Variants in CCDC178 observed in about 807,000 individuals in gnomAD.
CCDC178 encodes coiled-coil domain-containing protein 178.
In CCDC178, 126 loss-of-function variants were observed where a neutral mutation model predicts 117.4. The ratio of observed to expected loss-of-function variants is 1.07; its 90% CI spans 0.93 to 1.24. The LOEUF is 1.24. Among genes scored for constraint, CCDC178 ranks in the 50% most tolerant of loss-of-function variants. The pLI is 0.00. For missense variants in CCDC178, 1,030 were observed against 986.9 expected (o/e 1.04, Z -0.59); for synonymous variants, 283 against 313.4 (o/e 0.90, Z 1.02).
chr18:33,322,155 G>A (rs987685273), intron 11 of CCDC178, among the ~76,000 whole-genome samples: 4 of 151,772 alleles, frequency 2.6e-5, no homozygotes, highest in Non-Finnish European at 5.9e-5. Flanking sequence ...TAATTATGTA[G>A]ACAGATGTAT....
chr18:33,360,769 C>G (rs1026557600), intron 6 of CCDC178, among the ~76,000 whole-genome samples: 6 of 151,384 alleles, frequency 4.0e-5, no homozygotes, highest in African/African-American at 9.7e-5. Context: ...GCATAAAATG[C>G]CTTGGAATAA....
intron 2 of CCDC178, among the ~76,000 whole-genome samples, chr18:33,430,644 A>G (rs2064199965): frequency 6.6e-6 from 1 of 152,174 alleles, no homozygotes; most frequent in Non-Finnish European, 1.5e-5. Flanking sequence ...CCATGAAGGA[A>G]AGCTGCCTTA....
At chr18:33,150,533 A>G (rs1251269865) in intron 20 of CCDC178, among the ~76,000 whole-genome samples, 4 of 152,124 alleles carry the variant, frequency 2.6e-5, no homozygotes, top group African/African-American at 9.7e-5. Flanking sequence ...AATCAGCAAG[A>G]AAAGAAAACT....
At chr18:33,405,705 T>A (rs1222942437) in intron 3 of CCDC178, among the ~76,000 whole-genome samples, 3 of 151,956 alleles carry the variant, frequency 2.0e-5, no homozygotes, top group Admixed American at 2.0e-4. Flanking sequence ...CACTAGAAAG[T>A]AGATGTAGTA....
At chr18:33,229,499 C>T (rs2059346344) in intron 15 of CCDC178, among the ~76,000 whole-genome samples, 1 of 152,154 alleles carries the variant, frequency 6.6e-6, no homozygotes, top group Non-Finnish European at 1.5e-5. Flanking sequence ...CTTAACTTCA[C>T]AATGAAATCT....
At chr18:33,017,627 G>A (rs1456801873) in intron 21 of CCDC178, among the ~76,000 whole-genome samples, 1 of 151,806 alleles carries the variant, frequency 6.6e-6, no homozygotes, top group African/African-American at 2.4e-5. Flanking sequence ...GGATTCAGAA[G>A]AACCAAAACG....
intron 10 of CCDC178, chr18:33,328,231 T>G (rs1381090117): frequency 2.4e-5 from 6 of 250,964 alleles, no homozygotes; most frequent in Non-Finnish European, 3.8e-5. Context: ...ACCTTCTGGG[T>G]AGCTGGGACT....
At chr18:33,173,005 C>T (rs1407725836) in intron 20 of CCDC178, among the ~76,000 whole-genome samples, 1 of 152,042 alleles carries the variant, frequency 6.6e-6, no homozygotes, top group Non-Finnish European at 1.5e-5. Flanking sequence ...TGCTTGATTG[C>T]ACTGTTTAAA....
chr18:33,061,789 G>GT (rs932984282), intron 21 of CCDC178, among the ~76,000 whole-genome samples: 65 of 151,644 alleles, frequency 4.3e-4, no homozygotes, highest in Middle Eastern at 3.2e-3. Context: ...CTGCTGATGT[G>GT]TTTTTTTTCA....
intron 21 of CCDC178, among the ~76,000 whole-genome samples, chr18:33,061,664 A>G (rs272944): frequency 0.14 from 21,704 of 152,236 alleles, 2,404 homozygotes; most frequent in African/African-American, 0.31. Context: ...GCTCAGCTAC[A>G]TCTTCACACA....
chr18:33,041,758 C>T (rs2056553870), intron 21 of CCDC178, among the ~76,000 whole-genome samples: 1 of 151,544 alleles, frequency 6.6e-6, no homozygotes, highest in Non-Finnish European at 1.5e-5. Flanking sequence ...CCAACAATAT[C>T]AGAGTTGAAG....
chr18:33,388,933 A>G lies in CCDC178; in HGVS notation c.208+607T>C, dbSNP rs139172946. On this transcript the variant is annotated intron_variant, in intron 5 of 22. Transcript: ENST00000383096. The stretch of plus-strand genomic sequence containing the variant: ...TGTTCTCACTTATAAGTGGGAGCTG[A>G]ACAATGAGAGCACGTGGACATAGGG... Among the ~76,000 whole-genome samples, 1,457 of 152,196 alleles carry G rather than the reference A, an allele frequency of 9.6e-3. 17 individuals are homozygous for G. The highest frequency in any genetic ancestry group is 0.033 in the African/African-American group (1,378 of 41,520).
intron 21 of CCDC178, among the ~76,000 whole-genome samples, chr18:33,063,799 C>G (rs1567965265): frequency 6.6e-6 from 1 of 152,060 alleles, no homozygotes. Context: ...GCATGCCTGG[C>G]CCACCACCAC....
chr18:32,996,122 A>G (rs2055502440), intron 21 of CCDC178, among the ~76,000 whole-genome samples: 1 of 151,946 alleles, frequency 6.6e-6, no homozygotes, highest in Non-Finnish European at 1.5e-5. Context: ...TAAAAATATA[A>G]TAGAAAAAAA....
intron 10 of CCDC178, among the ~76,000 whole-genome samples, chr18:33,327,316 T>C (rs1156528171): frequency 2.0e-5 from 3 of 152,220 alleles, no homozygotes; most frequent in Non-Finnish European, 4.4e-5. Context: ...TTTCATTCCA[T>C]TGATATATTG....
chr18:33,417,784 C>T (rs764824549), intron 2 of CCDC178, among the ~76,000 whole-genome samples: 1 of 152,076 alleles, frequency 6.6e-6, no homozygotes, highest in Non-Finnish European at 1.5e-5. Flanking sequence ...CTTCTCAAGA[C>T]TGAACCAGGA....
chr18:33,133,451 A>G (rs1356096678), intron 20 of CCDC178, among the ~76,000 whole-genome samples: 3 of 151,926 alleles, frequency 2.0e-5, no homozygotes, highest in Non-Finnish European at 4.4e-5. Context: ...TTTTCAAACT[A>G]CTGTAAACAT....
chr18:33,369,765 A>T (rs2063270999), intron 6 of CCDC178, among the ~76,000 whole-genome samples: 1 of 152,002 alleles, frequency 6.6e-6, no homozygotes, highest in Non-Finnish European at 1.5e-5. Context: ...TTAATTTACT[A>T]GTGAAGTTGG....
intron 14 of CCDC178, among the ~76,000 whole-genome samples, chr18:33,257,830 T>C (rs922287699): frequency 9.2e-5 from 14 of 152,086 alleles, no homozygotes; most frequent in African/African-American, 3.4e-4. Context: ...ATGTACCTAA[T>C]TGTTACTTCT....
Sources: allele counts gnomAD v4.1 joint callset (sites outside exome capture counted in the v4.1 genomes callset), GRCh38; gene constraint gnomAD v4.1.1; transcripts MANE v1.5; gene names NCBI Gene and HGNC (gene_info 2026-07-23, HGNC 2026-07-21).